MEIKIN: variants seen among roughly 807,000 people sequenced by gnomAD.
The protein encoded by MEIKIN is meiosis-specific kinetochore protein.
intron 8 of MEIKIN, among the ~76,000 whole-genome samples, chr5:131,894,180 C>G (rs1009914219): frequency 6.6e-6 from 1 of 152,092 alleles, no homozygotes; most frequent in Non-Finnish European, 1.5e-5. Context: ...GCTTGTTTTT[C>G]TCAGGTTTGT....
At chr5:131,907,670 G>C (rs527452183) in intron 8 of MEIKIN, among the ~76,000 whole-genome samples, 1 of 151,368 alleles carries the variant, frequency 6.6e-6, no homozygotes, top group Non-Finnish European at 1.5e-5. Context: ...TCAGGAGTTC[G>C]AGACCAGCCT....
chr5:131,914,747 C>T (rs1264108391), intron 7 of MEIKIN, among the ~76,000 whole-genome samples: 3 of 152,114 alleles, frequency 2.0e-5, no homozygotes, highest in African/African-American at 7.2e-5. Context: ...AGATAGATCT[C>T]TCCTCCACAC....
At chr5:131,888,297 AATG>A (rs1750839168) in intron 8 of MEIKIN, among the ~76,000 whole-genome samples, 1 of 141,604 alleles carries the variant, frequency 7.1e-6, no homozygotes, top group Non-Finnish European at 1.5e-5. Flanking sequence ...TGACTTCCAC[AATG>A]GTTGAACTAG....
chr5:131,913,930 C>A (rs995366335), intron 7 of MEIKIN, among the ~76,000 whole-genome samples: 1 of 152,136 alleles, frequency 6.6e-6, no homozygotes, highest in Non-Finnish European at 1.5e-5. Context: ...TAATAGCCAA[C>A]GTGGTAGTAT....
intron 12 of MEIKIN, among the ~76,000 whole-genome samples, chr5:131,811,340 C>G (rs1201208385): frequency 2.0e-5 from 3 of 149,722 alleles, no homozygotes; most frequent in African/African-American, 7.3e-5. Context: ...TAAACTTTTT[C>G]TTTTCTTTTT....
chr5:131,887,826 T>G (rs1013974606), intron 8 of MEIKIN, among the ~76,000 whole-genome samples: 2 of 151,308 alleles, frequency 1.3e-5, no homozygotes, highest in African/African-American at 4.9e-5. Flanking sequence ...TCATTTAGCA[T>G]TAGGTATATC....
intron 11 of MEIKIN, among the ~76,000 whole-genome samples, chr5:131,850,606 GA>G (rs1272809700): frequency 6.6e-6 from 1 of 152,026 alleles, no homozygotes; most frequent in East Asian, 1.9e-4. Flanking sequence ...ATGATGCTGA[GA>G]AAACTGGATA....
chr5:131,842,334 T>A (rs1412225824), intron 11 of MEIKIN, among the ~76,000 whole-genome samples: 1 of 152,202 alleles, frequency 6.6e-6, no homozygotes, highest in Non-Finnish European at 1.5e-5. Flanking sequence ...AGACTTCTAG[T>A]ACTATGCTGA....
rs1360860817 is a variant in MEIKIN, at chr5:131,815,625, G to A, written c.1099+3115C>T. On this transcript the variant is annotated intron_variant, in intron 12 of 12. Coordinates refer to ENST00000442687, the MANE Select transcript of MEIKIN (RefSeq NM_001303622.2). ...AAGAAGCGACTTACGGTGTTGACTGGGGCGACTGATCCGGACTACCAAGGA... is the reference window on the plus strand; with the variant it reads ...AAGAAGCGACTTACGGTGTTGACTGAGGCGACTGATCCGGACTACCAAGGA... Among the ~76,000 whole-genome samples, 8 of 152,312 alleles carry A rather than the reference G, an allele frequency of 5.3e-5. No individual in the cohort carries two copies. The East Asian group carries it at 1.2e-3, about 22-fold the overall frequency.
chr5:131,854,606 G>C (rs1301148237), intron 10 of MEIKIN, 148 bp downstream of exon 10: 2 of 386,714 alleles, frequency 5.2e-6, no homozygotes, highest in Non-Finnish European at 4.6e-6. Context: ...AGTATACAAA[G>C]TACTTTCATT....
At chr5:131,877,170 C>T (rs943980626) in intron 9 of MEIKIN, among the ~76,000 whole-genome samples, 1 of 150,374 alleles carries the variant, frequency 6.7e-6, no homozygotes, top group Non-Finnish European at 1.5e-5. Flanking sequence ...TTAAAAAAAG[C>T]AAAATTATGT....
Position 131,836,450 on chromosome 5 carries a change from T to C in MEIKIN, c.975+14814A>G, listed in dbSNP as rs148584693. Among the ~76,000 whole-genome samples, 562 of 152,346 alleles carry C rather than the reference T, an allele frequency of 3.7e-3. 4 individuals are homozygous for C. Among genetic ancestry groups the C allele is most frequent in the African/African-American group, 0.013 (532 of 41,574 alleles). On this transcript the variant is annotated intron_variant, in intron 11 of 12. Transcript: ENST00000442687. ...GCTGGGTCGAATGGTAGTTCTGTTT[T>C]TAGCTGTTCAAGAAATTGCCATAAT...
chr5:131,934,663 G>T (rs1751744207), intron 4 of MEIKIN, among the ~76,000 whole-genome samples: 1 of 152,094 alleles, frequency 6.6e-6, no homozygotes, highest in Non-Finnish European at 1.5e-5. Flanking sequence ...GTTATGCAAA[G>T]AATTTTTTTA....
chr5:131,867,169 T>A (rs1264441471), intron 9 of MEIKIN, among the ~76,000 whole-genome samples: 1 of 152,212 alleles, frequency 6.6e-6, no homozygotes, highest in African/African-American at 2.4e-5. Flanking sequence ...GTTTCCTTCA[T>A]GATTCCAAAT....
At chr5:131,902,084 CT>C (rs1751168005) in intron 8 of MEIKIN, among the ~76,000 whole-genome samples, 1 of 152,172 alleles carries the variant, frequency 6.6e-6, no homozygotes, top group Non-Finnish European at 1.5e-5. Flanking sequence ...CTCTCTTCTC[CT>C]GCTCCAGCCA....
intron 8 of MEIKIN, among the ~76,000 whole-genome samples, chr5:131,885,378 A>AC (rs1750772172): frequency 3.5e-5 from 3 of 85,318 alleles, no homozygotes; most frequent in Admixed American, 1.2e-4. Context: ...AGAGAGAGAG[A>AC]GAGAGAGAGA....
intron 12 of MEIKIN, among the ~76,000 whole-genome samples, chr5:131,810,557 T>G (rs187605863): frequency 6.6e-6 from 1 of 152,226 alleles, no homozygotes; most frequent in Non-Finnish European, 1.5e-5. Context: ...TAAAATAGAC[T>G]AATGAAATGG....
At chr5:131,892,178 C>G (rs1240411150) in intron 8 of MEIKIN, among the ~76,000 whole-genome samples, 1 of 152,170 alleles carries the variant, frequency 6.6e-6, no homozygotes, top group Non-Finnish European at 1.5e-5. Context: ...TTTGGTGAAT[C>G]TGACAACTAT....
At chr5:131,929,172 T>C (rs1302465049) in intron 5 of MEIKIN, among the ~76,000 whole-genome samples, 1 of 152,252 alleles carries the variant, frequency 6.6e-6, no homozygotes, top group Non-Finnish European at 1.5e-5. Flanking sequence ...CTCATAGTTT[T>C]ATGGGGGCTC....
Sources: gnomAD v4.1 joint callset for allele counts (sites outside exome capture counted in the v4.1 genomes callset) on GRCh38, gnomAD v4.1.1 for gene constraint, MANE v1.5 for transcripts, NCBI Gene and HGNC (gene_info 2026-07-23, HGNC 2026-07-21) for gene names.